RALGAPA2: variants seen among roughly 807,000 people sequenced by gnomAD.
RALGAPA2 encodes ral GTPase-activating protein subunit alpha-2.
RALGAPA2 carries 139 observed loss-of-function variants against 230.4 expected under a neutral mutation model. The observed-to-expected ratio is 0.60, with a 90% CI of 0.53 to 0.69. The LOEUF (loss-of-function observed/expected upper bound fraction) is 0.69. Ranked by LOEUF, RALGAPA2 falls within the 30% of genes least tolerant of loss-of-function variation. The pLI is 0.00. For synonymous variants in RALGAPA2, 847 were observed against 837.8 expected (o/e 1.01, Z -0.19); for missense variants, 2,163 against 2,276.0 (o/e 0.95, Z 1.01).
chr20:20,468,052 T>C (rs1354443384), intron 37 of RALGAPA2, among the ~76,000 whole-genome samples: 1 of 152,140 alleles, frequency 6.6e-6, no homozygotes, highest in African/African-American at 2.4e-5. Context: ...CCCATTCTTA[T>C]ACAAACTCTA....
chr20:20,486,138 T>G lies in RALGAPA2; in HGVS notation c.5367+8979A>C, dbSNP rs183906112. Among the ~76,000 whole-genome samples, 161 of 152,200 alleles carry G rather than the reference T, an allele frequency of 1.1e-3. 1 individual carries two copies. Among genetic ancestry groups the G allele is most frequent in the African/African-American group, 3.8e-3 (156 of 41,548 alleles). ...CTGGACAACAGACTGACAGTCTGTT[T>G]CAAAAAAAGAATAAAAAAAACAGAT... On this transcript the variant is annotated intron_variant, in intron 36 of 39. Coordinates refer to ENST00000202677, the MANE Select transcript of RALGAPA2 (RefSeq NM_020343.4).
intron 24 of RALGAPA2, among the ~76,000 whole-genome samples, chr20:20,541,287 G>C (rs971053176): frequency 6.6e-6 from 1 of 152,060 alleles, no homozygotes; most frequent in African/African-American, 2.4e-5. Flanking sequence ...GACTGAAACT[G>C]TGGATAGTAC....
intron 31 of RALGAPA2, among the ~76,000 whole-genome samples, chr20:20,516,708 C>T (rs1180652978): frequency 1.3e-5 from 2 of 152,198 alleles, no homozygotes; most frequent in South Asian, 2.1e-4. Context: ...GTCACATCAC[C>T]GGATCACCTG....
In RALGAPA2 at chr20:20,515,472, C is replaced by T. The variant is rs190300929; in HGVS notation, c.4085-2188G>A. On this transcript the variant is annotated intron_variant, in intron 31 of 39. Transcript: ENST00000202677. ...AGAAGCAGAAAGCTGAAGTCTACTC[C>T]ATGAGACAGGTAAAAAACTATAAAT... Among the ~76,000 whole-genome samples the T allele has an allele frequency of 5.5e-3, 842 of 152,324 alleles. 4 individuals are homozygous for T. The highest frequency in any genetic ancestry group is 9.7e-3 in the Non-Finnish European group (658 of 68,014).
chr20:20,609,077 C>T (rs372225611), intron 14 of RALGAPA2, among the ~76,000 whole-genome samples: 1 of 152,144 alleles, frequency 6.6e-6, no homozygotes, highest in African/African-American at 2.4e-5. Context: ...TTGCTTACAG[C>T]CTCAACCTCC....
intron 36 of RALGAPA2, among the ~76,000 whole-genome samples, chr20:20,493,265 A>C (rs2062111944): frequency 6.6e-6 from 1 of 152,234 alleles, no homozygotes; most frequent in Non-Finnish European, 1.5e-5. Flanking sequence ...GTCTGGATTA[A>C]TTTTATTACA....
intron 24 of RALGAPA2, among the ~76,000 whole-genome samples, chr20:20,540,171 T>A (rs890211374): frequency 7.2e-5 from 11 of 152,220 alleles, no homozygotes; most frequent in Non-Finnish European, 1.2e-4. Flanking sequence ...TTTAACTTTT[T>A]GAGAAACCTC....
At chr20:20,655,219 T>C (rs986420828) in intron 3 of RALGAPA2, among the ~76,000 whole-genome samples, 4 of 151,954 alleles carry the variant, frequency 2.6e-5, no homozygotes, top group African/African-American at 9.7e-5. Context: ...GACTTCACTC[T>C]TGAAAAATAA....
intron 3 of RALGAPA2, among the ~76,000 whole-genome samples, chr20:20,662,428 A>G (rs2067813380): frequency 6.6e-6 from 1 of 152,216 alleles, no homozygotes; most frequent in South Asian, 2.1e-4. Flanking sequence ...AAGCTGAAAT[A>G]AGAGACAAAT....
chr20:20,643,462 A>G, intron 5 of RALGAPA2, 44 bp downstream of exon 5: 1 of 1,443,598 alleles, frequency 6.9e-7, no homozygotes, highest in Non-Finnish European at 9.3e-7. Flanking sequence ...GCATTAACAA[A>G]TTTAAGAGTA....
Position 20,659,767 on chromosome 20 carries a change from GA to G in RALGAPA2, c.271-6181del, listed in dbSNP as rs2067708319. The G allele has an allele frequency of 1.5e-5, 14 of 907,470 alleles. No individual in the cohort carries two copies. The South Asian group carries it at 1.7e-4, about 11-fold the overall frequency. 56.2% of individuals were successfully genotyped at this position (907,470 alleles called of 1,614,324 possible). A position where few individuals can be genotyped will look rare whatever the true frequency, so the allele number is the denominator to read the frequency against. On this transcript the variant is annotated intron_variant, in intron 3 of 39. Coordinates refer to ENST00000202677, the MANE Select transcript of RALGAPA2 (RefSeq NM_020343.4). ...CACTGGGGACCATGCTCAGAATGAA[GA>G]AAACAGCACACAGAAAGATGGAGAG...
At chr20:20,449,700 T>A (rs1038890810) in intron 37 of RALGAPA2, among the ~76,000 whole-genome samples, 2 of 152,236 alleles carry the variant, frequency 1.3e-5, no homozygotes, top group African/African-American at 4.8e-5. Context: ...CTTGCATGTC[T>A]GCTCCAAAGA....
intron 38 of RALGAPA2, among the ~76,000 whole-genome samples, chr20:20,402,430 C>T (rs73901538): frequency 0.026 from 3,957 of 152,302 alleles, 138 homozygotes; most frequent in African/African-American, 0.084. Context: ...GCCATCTGCG[C>T]GATTCTTCAC....
chr20:20,482,827 C>T (rs2061811904), intron 36 of RALGAPA2, among the ~76,000 whole-genome samples: 1 of 152,084 alleles, frequency 6.6e-6, no homozygotes, highest in South Asian at 2.1e-4. Flanking sequence ...GAAATGCATA[C>T]AGATAAGAGA....
At chr20:20,521,777 C>T (rs2063049178) in intron 30 of RALGAPA2, among the ~76,000 whole-genome samples, 1 of 152,160 alleles carries the variant, frequency 6.6e-6, no homozygotes, top group Non-Finnish European at 1.5e-5. Flanking sequence ...AGATCATCAA[C>T]TCCAAACACT....
intron 27 of RALGAPA2, among the ~76,000 whole-genome samples, chr20:20,531,044 G>A (rs2063354165): frequency 6.6e-6 from 1 of 152,190 alleles, no homozygotes; most frequent in South Asian, 2.1e-4. Context: ...ACACCACACA[G>A]ATCTGCTTTT....
intron 37 of RALGAPA2, among the ~76,000 whole-genome samples, chr20:20,412,913 A>G (rs1455340385): frequency 1.3e-5 from 2 of 152,238 alleles, no homozygotes; most frequent in African/African-American, 2.4e-5. Flanking sequence ...ACAGGGCAGA[A>G]AGCAAATCTT....
chr20:20,427,342 T>C (rs1225647280), intron 37 of RALGAPA2, among the ~76,000 whole-genome samples: 2 of 152,096 alleles, frequency 1.3e-5, no homozygotes, highest in Non-Finnish European at 2.9e-5. Flanking sequence ...GAAATCCCTG[T>C]GGGTTAGAGC....
intron 18 of RALGAPA2, among the ~76,000 whole-genome samples, chr20:20,586,987 G>C (rs2065152252): frequency 6.6e-6 from 1 of 151,774 alleles, no homozygotes. Flanking sequence ...GTACCAATGA[G>C]GAAAAAATGA....
Sources: gnomAD v4.1 joint callset for allele counts (sites outside exome capture counted in the v4.1 genomes callset) on GRCh38, gnomAD v4.1.1 for gene constraint, MANE v1.5 for transcripts, NCBI Gene and HGNC (gene_info 2026-07-23, HGNC 2026-07-21) for gene names.